The following DAB1 variants were observed in gnomAD, a reference collection of about 807,000 sequenced individuals.
DAB1 encodes disabled homolog 1.
A neutral mutation model predicts 64.6 loss-of-function variants in DAB1; 15 were observed. That is an observed-to-expected ratio of 0.23 (90% CI 0.16 to 0.36). The LOEUF is 0.36. DAB1 is among the 10% of genes least tolerant of loss of function. DAB1 has a pLI of 1.00. For missense variants in DAB1, 596 were observed against 706.7 expected, an observed-to-expected ratio of 0.84 and a Z score of 1.78; for synonymous variants, 235 against 251.9, an observed-to-expected ratio of 0.93 and a Z score of 0.64.
At chr1:57,359,602 G>C (rs1160254958) in intron 1 of DAB1, among the ~76,000 whole-genome samples, 1 of 151,830 alleles carries the variant, frequency 6.6e-6, no homozygotes, top group Non-Finnish European at 1.5e-5. Context: ...ATATGCAAAG[G>C]AAATGAAATC....
intron 5 of DAB1, among the ~76,000 whole-genome samples, chr1:57,975,204 A>G (rs1645890959): frequency 6.6e-6 from 1 of 152,206 alleles, no homozygotes; most frequent in African/African-American, 2.4e-5. Context: ...ACCAGACACT[A>G]GATGTGCCAG....
At chr1:57,222,482 G>A (rs1666956440) in intron 2 of DAB1, among the ~76,000 whole-genome samples, 1 of 152,164 alleles carries the variant, frequency 6.6e-6, no homozygotes. Context: ...GGCTGGGGTG[G>A]AAGGAGCTTT....
At chr1:57,163,929 G>A (rs1290336315) in intron 2 of DAB1, among the ~76,000 whole-genome samples, 1 of 152,114 alleles carries the variant, frequency 6.6e-6, no homozygotes, top group Non-Finnish European at 1.5e-5. Flanking sequence ...CTGGTTGTGT[G>A]GAGAGTATGC....
At chr1:57,632,117 G>T (rs1283212126) in intron 7 of DAB1, among the ~76,000 whole-genome samples, 1 of 152,204 alleles carries the variant, frequency 6.6e-6, no homozygotes, top group Non-Finnish European at 1.5e-5. Flanking sequence ...CTAAATTGCA[G>T]AACTACTTTA....
At chr1:57,410,422 A>G (rs945330850) in intron 1 of DAB1, among the ~76,000 whole-genome samples, 11 of 152,234 alleles carry the variant, frequency 7.2e-5, no homozygotes, top group Non-Finnish European at 1.6e-4. Context: ...GATGTGGAAC[A>G]GAACAATTGA....
At chr1:58,379,758 C>G (rs530408369) in intron 3 of DAB1, among the ~76,000 whole-genome samples, 1 of 152,218 alleles carries the variant, frequency 6.6e-6, no homozygotes, top group Admixed American at 6.5e-5. Flanking sequence ...TAAAGTCAAG[C>G]TGGGATGAGT....
At chr1:58,372,913 CT>C (rs1484815585) in intron 3 of DAB1, among the ~76,000 whole-genome samples, 1 of 152,094 alleles carries the variant, frequency 6.6e-6, no homozygotes, top group Non-Finnish European at 1.5e-5. Context: ...AACCTCTTTT[CT>C]TTATAAATTA....
intron 7 of DAB1, among the ~76,000 whole-genome samples, chr1:57,583,125 G>A (rs35453940): frequency 0.24 from 37,132 of 151,950 alleles, 4,639 homozygotes; most frequent in Non-Finnish European, 0.27. Context: ...CTACCCTACA[G>A]TTCTAGTTAT....
chr1:57,439,423 T>TTTTTTTTTTG (rs1558381316), intron 7 of DAB1, among the ~76,000 whole-genome samples: 1 of 117,104 alleles, frequency 8.5e-6, no homozygotes, highest in Non-Finnish European at 1.7e-5. Context: ...ATGAGGTTTT[T>TTTTTTTTTTG]TCTTTTTTTT....
intron 3 of DAB1, among the ~76,000 whole-genome samples, chr1:58,389,107 A>G (rs1644456663): frequency 2.6e-5 from 4 of 152,160 alleles, no homozygotes. Context: ...CGTGCTTTCC[A>G]GTTGTTTGGC....
chr1:57,719,031 T>C (rs1184199069), intron 6 of DAB1, among the ~76,000 whole-genome samples: 1 of 152,114 alleles, frequency 6.6e-6, no homozygotes, highest in Non-Finnish European at 1.5e-5. Context: ...GGCTGGAAAT[T>C]ATGCATCAAC....
rs1553143934 is a variant in DAB1, at chr1:57,924,626, A to AATT, written n.388-40465_388-40464insAAT. On this transcript the variant is annotated intron_variant and non_coding_transcript_variant, in intron 5 of 20. Transcript: ENST00000485760. Reference sequence around the variant, plus strand: ...AGGCACCCACCACCACACTTGGCTAATTTTTTTTTTTTTTTTTTTTTTAGT... The same window carrying AATT: ...AGGCACCCACCACCACACTTGGCTAAATTTTTTTTTTTTTTTTTTTTTTTTAGT... 3.4e-3 allele frequency among the ~76,000 whole-genome samples: 448 copies of AATT among 131,766 alleles called. 13 individuals are homozygous for AATT. Among genetic ancestry groups the AATT allele is most frequent in the Middle Eastern group, 7.9e-3 (2 of 252 alleles). The allele number at this position is 131,766 out of a possible 152,430, so 86.4% of individuals were successfully genotyped here. A position where few individuals can be genotyped will look rare whatever the true frequency, so the allele number is the denominator to read the frequency against.
rs7516795 is a variant in DAB1, at chr1:58,322,638, G to A, written n.309+20714C>T. 2.7e-3 allele frequency among the ~76,000 whole-genome samples: 405 copies of A among 152,342 alleles called. 5 individuals are homozygous for A. The highest frequency in any genetic ancestry group is 8.7e-3 in the African/African-American group (361 of 41,576). ...GAAATAGGAATGCTTTTACAGTTTT[G>A]TTGGGAGTGTAAACTAGTTCAACCA... On this transcript the variant is annotated intron_variant and non_coding_transcript_variant, in intron 4 of 20. Coordinates refer to the DAB1 transcript ENST00000485760.
chr1:57,164,230 T>C (rs866581352), intron 2 of DAB1, among the ~76,000 whole-genome samples: 2 of 152,322 alleles, frequency 1.3e-5, no homozygotes, highest in Middle Eastern at 6.8e-3. Context: ...ATGTCAATGC[T>C]GAAAAACCAT....
chr1:58,368,992 G>C (rs1644240518), intron 3 of DAB1, among the ~76,000 whole-genome samples: 1 of 152,112 alleles, frequency 6.6e-6, no homozygotes, highest in Admixed American at 6.5e-5. Flanking sequence ...CTGCACTCCA[G>C]CCTAGATGGA....
At chr1:57,106,263 C>CCA (rs1350446097) in intron 4 of DAB1, among the ~76,000 whole-genome samples, 2 of 151,372 alleles carry the variant, frequency 1.3e-5, no homozygotes, top group Non-Finnish European at 2.9e-5. Flanking sequence ...TAACACCCCC[C>CCA]CCCATCAGTA....
At chr1:58,293,181 G>C (rs1375432367) in intron 4 of DAB1, among the ~76,000 whole-genome samples, 1 of 152,194 alleles carries the variant, frequency 6.6e-6, no homozygotes, top group East Asian at 1.9e-4. Flanking sequence ...AAGTCACCTA[G>C]TTAGGTAGTT....
At chr1:58,232,534 C>T (rs1387003293) in intron 4 of DAB1, among the ~76,000 whole-genome samples, 11 of 150,374 alleles carry the variant, frequency 7.3e-5, no homozygotes, top group Admixed American at 1.3e-4. Flanking sequence ...GTTTGACAAA[C>T]GAATTCTGTG....
At chr1:57,476,369 T>G (rs578136314) in intron 7 of DAB1, among the ~76,000 whole-genome samples, 2 of 152,192 alleles carry the variant, frequency 1.3e-5, no homozygotes, top group Non-Finnish European at 1.5e-5. Flanking sequence ...CATTTGTCTG[T>G]CAGTAAAATT....
Sources: allele counts gnomAD v4.1 joint callset (sites outside exome capture counted in the v4.1 genomes callset), GRCh38; gene constraint gnomAD v4.1.1; transcripts MANE v1.5; gene names NCBI Gene and HGNC (gene_info 2026-07-23, HGNC 2026-07-21).